The following IKZF2 variants were observed in gnomAD, a reference collection of about 807,000 sequenced individuals.
The protein encoded by IKZF2 is zinc finger protein Helios.
A neutral mutation model predicts 49.2 loss-of-function variants in IKZF2; 15 were observed. The ratio of observed to expected loss-of-function variants is 0.30; its 90% CI spans 0.20 to 0.47. The LOEUF (loss-of-function observed/expected upper bound fraction) is 0.47. Ranked by LOEUF, IKZF2 falls within the 20% of genes least tolerant of loss-of-function variation. IKZF2 has a pLI of 1.00. For missense variants in IKZF2, 567 were observed against 664.6 expected (o/e 0.85, Z 1.61); for synonymous variants, 227 against 221.4 (o/e 1.03, Z -0.23).
chr2:213,065,963 TAAG>T lies in IKZF2; in HGVS notation c.140-8867_140-8865del, dbSNP rs1355571744. 5.9e-5 allele frequency among the ~76,000 whole-genome samples: 9 copies of T among 152,206 alleles called. No individual in the cohort carries two copies. The East Asian group carries it at 1.7e-3, about 29-fold the overall frequency. ...TGAGGTAAAGAGAAAGTTGTCTGAGTAAGCCTGTTTTGGAAGAAGACCAGCTTA... is the reference window on the plus strand; with the variant it reads ...TGAGGTAAAGAGAAAGTTGTCTGAGTCCTGTTTTGGAAGAAGACCAGCTTA... On this transcript the variant is annotated intron_variant, in intron 4 of 8. Transcript: ENST00000434687.
intron 5 of IKZF2, chr2:213,056,529 CAA>C (rs1701168274): frequency 2.2e-6 from 1 of 465,096 alleles, no homozygotes; most frequent in Admixed American, 3.4e-5. Flanking sequence ...TATAGAAATA[CAA>C]AAAGATTAAG....
intron 7 of IKZF2, among the ~76,000 whole-genome samples, chr2:213,021,073 C>G (rs1487234334): frequency 1.3e-5 from 2 of 151,954 alleles, no homozygotes; most frequent in African/African-American, 4.8e-5. Flanking sequence ...ACTAGCCAGG[C>G]CTGGTGGTAC....
intron 4 of IKZF2, among the ~76,000 whole-genome samples, chr2:213,115,927 C>T (rs1289112961): frequency 2.0e-5 from 3 of 151,278 alleles, no homozygotes; most frequent in African/African-American, 7.3e-5. Context: ...AAAAAAAAAG[C>T]TGTGTAACAT....
intron 4 of IKZF2, among the ~76,000 whole-genome samples, chr2:213,106,401 G>A (rs2059529894): frequency 2.6e-5 from 4 of 151,910 alleles, no homozygotes; most frequent in Admixed American, 2.6e-4. Context: ...CACTTTGGGA[G>A]GCCGCGGCTG....
At chr2:213,070,754 T>A (rs1450590349) in intron 4 of IKZF2, among the ~76,000 whole-genome samples, 5 of 152,040 alleles carry the variant, frequency 3.3e-5, no homozygotes, top group Admixed American at 2.6e-4. Context: ...ATACAGTGTT[T>A]GAGAGGAACT....
At position 213,007,504 on chromosome 2, in the gene IKZF2, A is replaced by G. The variant is rs1316198563; in HGVS notation, c.1437T>C (p.Leu479=). The G allele has an allele frequency of 1.2e-6, 2 of 1,613,596 alleles. No individual in the cohort carries two copies. The highest frequency in any genetic ancestry group is 2.7e-5 in the African/African-American group (2 of 74,866). Reference sequence around the variant, plus strand: ...TGGTGTACATGACATGGTCTAGGAAAAGGACTCGGCAGTGCTCACACTTGA... The same window carrying G: ...TGGTGTACATGACATGGTCTAGGAAGAGGACTCGGCAGTGCTCACACTTGA... The part of the protein sequence containing the change: ...RAFKCEHCRV[L]FLDHVMYTIH... The change falls in exon 9 of 9, where the codon CTT becomes CTC. Residue 479 remains leucine, a synonymous_variant. Coordinates refer to ENST00000434687, the MANE Select transcript of IKZF2 (RefSeq NM_001387220.1).
chr2:213,094,949 T>C (rs1268104815), intron 4 of IKZF2, among the ~76,000 whole-genome samples: 1 of 152,134 alleles, frequency 6.6e-6, no homozygotes, highest in Non-Finnish European at 1.5e-5. Flanking sequence ...ATGACAGACA[T>C]AAGGTATTTT....
chr2:213,140,219 T>A (rs2060818294), intron 4 of IKZF2, among the ~76,000 whole-genome samples: 1 of 151,962 alleles, frequency 6.6e-6, no homozygotes, highest in African/African-American at 2.4e-5. Flanking sequence ...AGCGCTTACA[T>A]TTTTAAGATG....
chr2:213,029,953 CA>C (rs995233255), intron 6 of IKZF2, among the ~76,000 whole-genome samples: 7 of 151,956 alleles, frequency 4.6e-5, no homozygotes, highest in African/African-American at 1.7e-4. Context: ...AAATATTAAA[CA>C]AAAAAATCAT....
At chr2:213,133,333 T>C (rs1373480012) in intron 4 of IKZF2, among the ~76,000 whole-genome samples, 1 of 152,174 alleles carries the variant, frequency 6.6e-6, no homozygotes, top group East Asian at 1.9e-4. Context: ...AGAGATAAAA[T>C]ATCTGTCTAG....
chr2:213,141,602 C>T (rs1049452181), intron 4 of IKZF2, among the ~76,000 whole-genome samples: 2 of 151,926 alleles, frequency 1.3e-5, no homozygotes, highest in African/African-American at 4.8e-5. Flanking sequence ...TCCAGTTACT[C>T]CTAAATCCTA....
chr2:213,131,416 C>A (rs1429920177), intron 4 of IKZF2, among the ~76,000 whole-genome samples: 1 of 152,104 alleles, frequency 6.6e-6, no homozygotes, highest in Non-Finnish European at 1.5e-5. Context: ...TCATAAAGAT[C>A]AGAAATATTC....
At chr2:213,018,296 C>T in intron 7 of IKZF2, among the ~76,000 whole-genome samples, 1 of 152,048 alleles carries the variant, frequency 6.6e-6, no homozygotes, top group East Asian at 1.9e-4. Flanking sequence ...TCATCAAACC[C>T]AATTAAATAA....
intron 4 of IKZF2, among the ~76,000 whole-genome samples, chr2:213,072,044 G>C (rs763187055): frequency 6.6e-6 from 1 of 151,966 alleles, no homozygotes; most frequent in Non-Finnish European, 1.5e-5. Context: ...TAATAGCTTG[G>C]TTAAAATTTC....
chr2:213,114,363 A>C (rs958948479), intron 4 of IKZF2, among the ~76,000 whole-genome samples: 1 of 152,228 alleles, frequency 6.6e-6, no homozygotes, highest in Non-Finnish European at 1.5e-5. Flanking sequence ...ATTAAATCAA[A>C]TATTTAAAAA....
At chr2:213,056,243 C>G (rs1183407059) in intron 5 of IKZF2, among the ~76,000 whole-genome samples, 2 of 149,916 alleles carry the variant, frequency 1.3e-5, no homozygotes, top group Non-Finnish European at 3.0e-5. Context: ...AACCTACACA[C>G]CAGCCACTAT....
At chr2:213,095,653 AT>A in intron 4 of IKZF2, among the ~76,000 whole-genome samples, 2 of 152,202 alleles carry the variant, frequency 1.3e-5, no homozygotes, top group East Asian at 3.9e-4. Context: ...TGTCTTTCAA[AT>A]TTTTTAAATC....
chr2:213,143,831 A>G (rs2060954827), intron 4 of IKZF2, among the ~76,000 whole-genome samples: 1 of 151,722 alleles, frequency 6.6e-6, no homozygotes, highest in South Asian at 2.1e-4. Flanking sequence ...CCTCATAATA[A>G]CTCTTCTATT....
chr2:213,039,004 A>AT (rs553448937), intron 6 of IKZF2, among the ~76,000 whole-genome samples: 83 of 147,750 alleles, frequency 5.6e-4, no homozygotes, highest in Middle Eastern at 7.0e-3. Flanking sequence ...CCACATGGTA[A>AT]TTTTTTTTTT....
Sources: allele counts gnomAD v4.1 joint callset (sites outside exome capture counted in the v4.1 genomes callset), GRCh38; gene constraint gnomAD v4.1.1; transcripts MANE v1.5; gene names NCBI Gene and HGNC (gene_info 2026-07-23, HGNC 2026-07-21).